AGBL4: variants seen among roughly 807,000 people sequenced by gnomAD.
AGBL4 encodes the protein AGBL carboxypeptidase 4, also known as cytosolic carboxypeptidase 6.
AGBL4 carries 58 observed loss-of-function variants against 66.4 expected under a neutral mutation model. The ratio of observed to expected loss-of-function variants is 0.87; its 90% confidence interval spans 0.71 to 1.09. AGBL4 has a LOEUF of 1.09. Ranked by LOEUF, AGBL4 falls within the 50% of genes least tolerant of loss-of-function variation. AGBL4 has a pLI of 0.00. For missense variants in AGBL4, 579 were observed against 631.0 expected (o/e 0.92, Z 0.88); for synonymous variants, 234 against 222.9 (o/e 1.05, Z -0.44).
intron 3 of AGBL4, among the ~76,000 whole-genome samples, chr1:49,544,213 G>T (rs1246259192): frequency 6.6e-6 from 1 of 152,068 alleles, no homozygotes; most frequent in Non-Finnish European, 1.5e-5. Context: ...ATCCTCCTTG[G>T]TTATGGTCAT....
chr1:49,506,820 A>G (rs1365709807), intron 3 of AGBL4, among the ~76,000 whole-genome samples: 2 of 152,046 alleles, frequency 1.3e-5, no homozygotes, highest in African/African-American at 4.8e-5. Context: ...AAGCCCATCT[A>G]TAAAAACATT....
intron 2 of AGBL4, among the ~76,000 whole-genome samples, chr1:49,730,332 G>A (rs551764121): frequency 1.8e-4 from 28 of 152,268 alleles, no homozygotes; most frequent in South Asian, 8.3e-4. Context: ...CCAGCTCACC[G>A]AGCTGCGGAT....
At chr1:49,868,943 A>C (rs1646772423) in intron 1 of AGBL4, among the ~76,000 whole-genome samples, 1 of 152,192 alleles carries the variant, frequency 6.6e-6, no homozygotes, top group African/African-American at 2.4e-5. Context: ...AAGTGGGCAA[A>C]GGGCATGACA....
intron 4 of AGBL4, among the ~76,000 whole-genome samples, chr1:49,212,699 C>A (rs1217033420): frequency 6.6e-6 from 1 of 152,070 alleles, no homozygotes; most frequent in Non-Finnish European, 1.5e-5. Flanking sequence ...GATGACCACA[C>A]CCTTGCTTCT....
chr1:49,780,416 A>G (rs1295791645), intron 2 of AGBL4, among the ~76,000 whole-genome samples: 1 of 152,168 alleles, frequency 6.6e-6, no homozygotes, highest in Non-Finnish European at 1.5e-5. Flanking sequence ...AAAATAATTA[A>G]AAGAACTAGA....
At chr1:48,529,424 A>T, downstream of AGBL4, among the ~76,000 whole-genome samples, 1 of 152,264 alleles carries the variant, frequency 6.6e-6, no homozygotes, top group Admixed American at 6.5e-5. Flanking sequence ...TATAGGAAGT[A>T]GATATTATTC....
chr1:48,591,739 T>A (rs918387380), intron 9 of AGBL4, among the ~76,000 whole-genome samples: 27 of 152,344 alleles, frequency 1.8e-4, no homozygotes, highest in Non-Finnish European at 3.4e-4. Flanking sequence ...CAACAGCATA[T>A]AAATAATGCA....
intron 1 of AGBL4, among the ~76,000 whole-genome samples, chr1:49,961,006 T>C (rs1156283741): frequency 6.6e-6 from 1 of 152,016 alleles, no homozygotes; most frequent in Non-Finnish European, 1.5e-5. Context: ...AAATTGAAAA[T>C]GTGTACTTGG....
chr1:48,744,224 C>T (rs1371745942), intron 6 of AGBL4, among the ~76,000 whole-genome samples: 1 of 152,178 alleles, frequency 6.6e-6, no homozygotes, highest in Non-Finnish European at 1.5e-5. Flanking sequence ...TTTCCTTTGT[C>T]CCCAGCACCT....
chr1:49,875,575 G>C (rs1217508058), intron 1 of AGBL4, among the ~76,000 whole-genome samples: 8 of 147,708 alleles, frequency 5.4e-5, no homozygotes, highest in Middle Eastern at 3.6e-3. Flanking sequence ...ATTTGGGTTG[G>C]TTCCAAGTCT....
chr1:49,643,220 A>G (rs1645818794), intron 3 of AGBL4, among the ~76,000 whole-genome samples: 1 of 151,920 alleles, frequency 6.6e-6, no homozygotes, highest in Non-Finnish European at 1.5e-5. Flanking sequence ...GCATGGGAAT[A>G]AAGCCATATT....
rs116656216 is a variant in AGBL4 at position 49,156,260 on chromosome 1, G to A, written c.377+89510C>T. 3.1e-3 allele frequency among the ~76,000 whole-genome samples: 472 copies of A among 152,248 alleles called. 3 individuals are homozygous for A. Among genetic ancestry groups the A allele is most frequent in the African/African-American group, 0.011 (449 of 41,538 alleles). ...AATAGATGGGAAATTCACAATCCCC[G>A]ATGCTAACACAAGAGATGAGTCAAA... On this transcript the variant is annotated intron_variant, in intron 4 of 13. Coordinates refer to ENST00000371839, the MANE Select transcript of AGBL4 (RefSeq NM_032785.4).
At chr1:49,654,820 C>T (rs1180279165) in intron 3 of AGBL4, among the ~76,000 whole-genome samples, 3 of 151,936 alleles carry the variant, frequency 2.0e-5, no homozygotes, top group African/African-American at 4.8e-5. Context: ...TGTGTGTCTC[C>T]GCACGTGAGA....
At chr1:49,948,094 A>G (rs1334310222) in intron 1 of AGBL4, among the ~76,000 whole-genome samples, 2 of 86,478 alleles carry the variant, frequency 2.3e-5, no homozygotes, top group African/African-American at 4.7e-5. Flanking sequence ...AAATATATGT[A>G]TATGTATATA....
chr1:49,520,707 C>T (rs146124426), intron 3 of AGBL4, among the ~76,000 whole-genome samples: 12 of 152,090 alleles, frequency 7.9e-5, no homozygotes, highest in Non-Finnish European at 1.5e-4. Context: ...GATTTCCAAA[C>T]ACACACAGCA....
At chr1:48,648,603 G>A (rs1041666336) in intron 8 of AGBL4, among the ~76,000 whole-genome samples, 2 of 152,202 alleles carry the variant, frequency 1.3e-5, no homozygotes, top group Non-Finnish European at 1.5e-5. Flanking sequence ...GTGCGGGAGT[G>A]TGGCGAGTCC....
intron 6 of AGBL4, among the ~76,000 whole-genome samples, chr1:48,694,048 C>CA (rs61574470): frequency 0.047 from 2,671 of 56,756 alleles, 43 homozygotes; most frequent in Middle Eastern, 0.065. Flanking sequence ...TTTCCCTATT[C>CA]AAAAAAAAAA....
intron 1 of AGBL4, among the ~76,000 whole-genome samples, chr1:50,006,302 G>GCA (rs1428315398): frequency 2.7e-5 from 4 of 150,112 alleles, no homozygotes; most frequent in Admixed American, 6.6e-5. Context: ...TTGCGCCACT[G>GCA]CACTCCAGCC....
chr1:48,660,058 G>A (rs1316682596), intron 7 of AGBL4, among the ~76,000 whole-genome samples: 1 of 152,186 alleles, frequency 6.6e-6, no homozygotes, highest in Non-Finnish European at 1.5e-5. Context: ...GAGGGATGGC[G>A]CTCTCACATG....
Sources: gnomAD v4.1 joint callset for allele counts (sites outside exome capture counted in the v4.1 genomes callset) on GRCh38, gnomAD v4.1.1 for gene constraint, MANE v1.5 for transcripts, NCBI Gene and HGNC (gene_info 2026-07-23, HGNC 2026-07-21) for gene names.